Variants in MCU observed in about 807,000 individuals in gnomAD.
MCU encodes the protein mitochondrial calcium uniporter.
In MCU, 12 loss-of-function variants were observed where a neutral mutation model predicts 45.2. The ratio of observed to expected loss-of-function variants is 0.27; its 90% CI spans 0.17 to 0.43. The LOEUF (loss-of-function observed/expected upper bound fraction) is 0.43, where lower values mean the gene tolerates loss of function less well. Among genes scored for constraint, MCU ranks in the 20% least tolerant of loss-of-function variants. The probability of loss-of-function intolerance (pLI) is 1.00; values close to 1 mark genes in which losing one functional copy is unlikely to be tolerated. For synonymous variants in MCU, 160 were observed against 165.1 expected (o/e 0.97, Z 0.24); for missense variants, 324 against 436.7 (o/e 0.74, Z 2.30).
rs116479310 is a variant in MCU at position 72,788,050 on chromosome 10, G to T, written c.151-46309G>T. 3.9e-3 allele frequency among the ~76,000 whole-genome samples: 595 copies of T among 152,282 alleles called. 4 individuals are homozygous for T. Among genetic ancestry groups the T allele is most frequent in the African/African-American group, 0.013 (553 of 41,568 alleles). ...GTTACTGTCTTCACAATATCTCGTG[G>T]TGCTGTGTACGTGATAGGCAATGAG... On this transcript the variant is annotated intron_variant, in intron 1 of 7. Coordinates refer to ENST00000373053, the MANE Select transcript of MCU (RefSeq NM_138357.3).
chr10:72,816,900 T>C (rs1187215426), intron 1 of MCU, among the ~76,000 whole-genome samples: 1 of 152,228 alleles, frequency 6.6e-6, no homozygotes, highest in Non-Finnish European at 1.5e-5. Flanking sequence ...ATTTAAATAA[T>C]TGCATTTAAC....
intron 1 of MCU, chr10:72,708,350 A>T (rs142090654): frequency 6.6e-6 from 1 of 152,236 alleles, no homozygotes; most frequent in Non-Finnish European, 1.5e-5. Flanking sequence ...GGAAGAAAGC[A>T]GTTAAGGTCA....
At chr10:72,795,444 C>A (rs1298726076) in intron 1 of MCU, among the ~76,000 whole-genome samples, 1 of 152,094 alleles carries the variant, frequency 6.6e-6, no homozygotes, top group Non-Finnish European at 1.5e-5. Context: ...AGAAACTTTT[C>A]CATTAAAACT....
At chr10:72,818,109 AG>A (rs1398314932) in intron 1 of MCU, among the ~76,000 whole-genome samples, 1 of 152,252 alleles carries the variant, frequency 6.6e-6, no homozygotes, top group East Asian at 1.9e-4. Context: ...AAAACTTAAA[AG>A]GCTTAAACAG....
chr10:72,733,770 G>A (rs1349232369), intron 1 of MCU, among the ~76,000 whole-genome samples: 2 of 150,448 alleles, frequency 1.3e-5, no homozygotes, highest in African/African-American at 4.9e-5. Context: ...GTCTTGACAA[G>A]CCTTTCTGGT....
rs1210879268 is a variant in MCU, at chr10:72,705,143, G to GCA, written c.150+12842_150+12843insCA. ...CTCCCAAAGTGCTGGGATTACAGAT[G>GCA]TGAGGTACTGTGCCTGGCCAAAACA... is the stretch of plus-strand genomic sequence containing the variant. On this transcript the variant is annotated intron_variant, in intron 1 of 7. Coordinates refer to ENST00000373053, the MANE Select transcript of MCU (RefSeq NM_138357.3). 6.6e-5 allele frequency among the ~76,000 whole-genome samples: 10 copies of GCA among 152,064 alleles called. No individual in the cohort carries two copies. In the East Asian group the frequency reaches 9.6e-4, roughly 15 times the overall value.
intron 1 of MCU, among the ~76,000 whole-genome samples, chr10:72,703,592 G>A (rs1214995606): frequency 2.0e-5 from 3 of 152,126 alleles, no homozygotes; most frequent in Non-Finnish European, 2.9e-5. Context: ...TTATGTGTGT[G>A]CATTGTACAC....
chr10:72,704,505 T>C (rs1353148055), intron 1 of MCU, among the ~76,000 whole-genome samples: 1 of 151,738 alleles, frequency 6.6e-6, no homozygotes, highest in African/African-American at 2.4e-5. Context: ...TTGACCTGAT[T>C]TAAAATTTGT....
chr10:72,860,628 C>G (rs1005872096), intron 4 of MCU, 101 bp downstream of exon 4: 3 of 864,358 alleles, frequency 3.5e-6, no homozygotes, highest in Admixed American at 2.2e-5. Context: ...AGACAGTATT[C>G]AAAGAACACT....
chr10:72,854,263 G>C (rs1027753561), intron 2 of MCU, among the ~76,000 whole-genome samples: 2 of 152,172 alleles, frequency 1.3e-5, no homozygotes, highest in Non-Finnish European at 2.9e-5. Flanking sequence ...CTGAACTCCA[G>C]CCTGGGCAAC....
Position 72,724,202 on chromosome 10 carries a change from A to G in MCU, c.150+31901A>G, listed in dbSNP as rs146167279. Reference sequence around the variant, plus strand: ...TTCATCATTGCTTGTGTATGAGTTTATAGAATGTATTCCTTGAAGTAGAAG... The same window carrying G: ...TTCATCATTGCTTGTGTATGAGTTTGTAGAATGTATTCCTTGAAGTAGAAG... On this transcript the variant is annotated intron_variant, in intron 1 of 7. Transcript: ENST00000373053. Among the ~76,000 whole-genome samples, 479 of 152,308 alleles carry G rather than the reference A, an allele frequency of 3.1e-3. 3 individuals are homozygous for G. Among genetic ancestry groups the G allele is most frequent in the African/African-American group, 0.011 (454 of 41,562 alleles).
intron 1 of MCU, among the ~76,000 whole-genome samples, chr10:72,805,079 T>TTGTTTCTTTCTTTCTTTC (rs1844410860): frequency 7.1e-6 from 1 of 141,130 alleles, no homozygotes; most frequent in African/African-American, 2.8e-5. Context: ...CCTAGTTTGT[T>TTGTTTCTTTCTTTCTTTC]TCTTTCTTTC....
At chr10:72,768,129 AC>A (rs1407056116) in intron 1 of MCU, among the ~76,000 whole-genome samples, 8 of 152,164 alleles carry the variant, frequency 5.3e-5, no homozygotes, top group South Asian at 2.1e-4. Flanking sequence ...AAACAAAAAA[AC>A]AAACAAAAGA....
intron 1 of MCU, among the ~76,000 whole-genome samples, chr10:72,704,047 GA>G (rs1406132969): frequency 6.6e-6 from 1 of 152,158 alleles, no homozygotes; most frequent in Non-Finnish European, 1.5e-5. Context: ...GCCATAGTTT[GA>G]AAAAATACTG....
At chr10:72,840,373 T>G (rs1029023920) in intron 2 of MCU, among the ~76,000 whole-genome samples, 1 of 152,258 alleles carries the variant, frequency 6.6e-6, no homozygotes, top group African/African-American at 2.4e-5. Flanking sequence ...TTGAAAACAT[T>G]TGACTATTTA....
rs573568379 is a variant in MCU at position 72,850,214 on chromosome 10, G to C, written c.221-8963G>C. Among the ~76,000 whole-genome samples the C allele has an allele frequency of 3.8e-4, 58 of 152,280 alleles. 1 individual carries two copies. The South Asian group carries it at 9.3e-3, about 24-fold the overall frequency. On this transcript the variant is annotated intron_variant, in intron 2 of 7. Coordinates refer to ENST00000373053, the MANE Select transcript of MCU (RefSeq NM_138357.3). ...TTACTAGACTCTGTTATTCTTAGCT[G>C]CAAAAGAAGGATGTTAGTTTGTATG... is the stretch of plus-strand genomic sequence containing the variant.
At chr10:72,783,727 C>A (rs527539890) in intron 1 of MCU, among the ~76,000 whole-genome samples, 1 of 152,198 alleles carries the variant, frequency 6.6e-6, no homozygotes, top group African/African-American at 2.4e-5. Flanking sequence ...CCAAGAAAAA[C>A]GCATAGAGTG....
chr10:72,823,795 C>T (rs954399656), intron 1 of MCU, among the ~76,000 whole-genome samples: 16 of 152,280 alleles, frequency 1.1e-4, no homozygotes, highest in Non-Finnish European at 2.4e-4. Flanking sequence ...CACAGTGCCT[C>T]ACGGCTGTAA....
chr10:72,835,478 AT>A (rs1174882553), intron 2 of MCU, among the ~76,000 whole-genome samples: 1 of 152,202 alleles, frequency 6.6e-6, no homozygotes, highest in Non-Finnish European at 1.5e-5. Context: ...CATCCTGCAA[AT>A]TTACAAGGGT....
Sources: allele counts gnomAD v4.1 joint callset (sites outside exome capture counted in the v4.1 genomes callset), GRCh38; gene constraint gnomAD v4.1.1; transcripts MANE v1.5; gene names NCBI Gene and HGNC (gene_info 2026-07-23, HGNC 2026-07-21).